PRDM8: variants seen among roughly 807,000 people sequenced by gnomAD.
The protein encoded by PRDM8 is PR domain zinc finger protein 8.
PRDM8 carries 13 observed loss-of-function variants against 46.5 expected under a neutral mutation model. That is an observed-to-expected ratio of 0.28 (90% CI 0.18 to 0.44). The LOEUF (loss-of-function observed/expected upper bound fraction) is 0.44. PRDM8 is among the 20% of genes least tolerant of loss of function. The probability of loss-of-function intolerance (pLI) is 1.00; values close to 1 mark genes in which losing one functional copy is unlikely to be tolerated. For missense variants in PRDM8, 998 were observed against 955.0 expected, an observed-to-expected ratio of 1.04 and a Z score of -0.59; for synonymous variants, 473 against 438.4, an observed-to-expected ratio of 1.08 and a Z score of -0.98.
chr4:80,199,323 C>G (rs182169673), intron 1 of PRDM8, among the ~76,000 whole-genome samples: 2 of 151,934 alleles, frequency 1.3e-5, no homozygotes, highest in African/African-American at 2.4e-5. Flanking sequence ...ACAAGGTAAC[C>G]GGGATTCACT....
At chr4:80,192,774 C>A (rs1321932153), upstream of PRDM8, among the ~76,000 whole-genome samples, 1 of 152,214 alleles carries the variant, frequency 6.6e-6, no homozygotes, top group Non-Finnish European at 1.5e-5. Flanking sequence ...AGAGGTCACA[C>A]TCACACAGAT....
intron 1 of PRDM8, among the ~76,000 whole-genome samples, chr4:80,199,560 T>A (rs892806025): frequency 6.6e-6 from 1 of 151,982 alleles, no homozygotes; most frequent in Non-Finnish European, 1.5e-5. Context: ...GCTGTTCCCC[T>A]CCTTGGAAGA....
rs780377398 is a variant in PRDM8, at chr4:80,202,216, G to A, written c.754G>A (p.Gly252Ser). Reference sequence around the variant, plus strand: ...CAGCAACCCATCCGCTGCCGCCGGCGGCAGCAGCGCGAAGCCATCCACAGA... The same window carrying A: ...CAGCAACCCATCCGCTGCCGCCGGCAGCAGCAGCGCGAAGCCATCCACAGA... ...ESSNPSAAAG[G>S]SSAKPSTDFH... is the part of the protein sequence containing the mutation. The change falls in exon 4 of 4, where the codon GGC (glycine) becomes AGC (serine). Residue 252 changes from glycine to serine, a missense_variant. Physicochemically the swap from Gly to Ser is moderately conservative, Grantham distance 56. Transcript: ENST00000415738. 2 of 1,611,840 alleles carry A rather than the reference G, an allele frequency of 1.2e-6. No individual in the cohort carries two copies. Among genetic ancestry groups the A allele is most frequent in the Admixed American group, 1.7e-5 (1 of 59,978 alleles).
chr4:80,198,979 GGTTTTTTTTTTTTTGTTTTTT>G (rs1219370232), intron 1 of PRDM8, among the ~76,000 whole-genome samples: 12 of 113,526 alleles, frequency 1.1e-4, no homozygotes, highest in African/African-American at 3.7e-4. Context: ...GGTTTTTTTG[GGTTTTTTTTTTTTTGTTTTTT>G]TTTTTTTTTT....
upstream of PRDM8, chr4:80,196,744 AC>A (rs1474975171): frequency 1.2e-6 from 1 of 863,574 alleles, no homozygotes. Flanking sequence ...ACAAAAACAA[AC>A]AAAAAAAAAA....
At chr4:80,194,206 A>G (rs999774054), upstream of PRDM8, 1 of 982,604 alleles carries the variant, frequency 1.0e-6, no homozygotes, top group African/African-American at 1.7e-5. Context: ...TATTTTTGCC[A>G]GGACTCCAAA....
At chr4:80,194,595 A>G (rs1364993215), upstream of PRDM8, among the ~76,000 whole-genome samples, 1 of 152,240 alleles carries the variant, frequency 6.6e-6, no homozygotes, top group Non-Finnish European at 1.5e-5. Flanking sequence ...TACCACTTAA[A>G]TTACTAGAAA....
chr4:80,203,637 G>A lies in PRDM8; in HGVS notation c.*105G>A. 9 of 1,454,984 alleles carry A rather than the reference G, an allele frequency of 6.2e-6. No homozygotes were observed. The highest frequency in any genetic ancestry group is 8.2e-6 in the Non-Finnish European group (9 of 1,104,026). 90.1% of individuals were successfully genotyped at this position (1,454,984 alleles called of 1,614,324 possible). On this transcript the variant is annotated 3_prime_UTR_variant, in exon 4 of 4. Transcript: ENST00000415738. Reference sequence around the variant, plus strand: ...CCGCTTCCTTGCACCCCGAAACCCTGCACAAAGACACATACATTCACCGCC... The same window carrying A: ...CCGCTTCCTTGCACCCCGAAACCCTACACAAAGACACATACATTCACCGCC...
chr4:80,198,980 G>GTTTT lies in PRDM8; in HGVS notation c.-2-1089_-2-1086dup, dbSNP rs1413112507. On this transcript the variant is annotated intron_variant, in intron 1 of 3. Transcript: ENST00000415738. ...AATTTAAATACCTGGGTTTTTTTGGGTTTTTTTTTTTTTGTTTTTTTTTTT... is the reference window on the plus strand; with the variant it reads ...AATTTAAATACCTGGGTTTTTTTGGGTTTTTTTTTTTTTTTTTGTTTTTTTTTTT... Among the ~76,000 whole-genome samples the GTTTT allele has an allele frequency of 2.0e-4, 21 of 104,182 alleles. 1 individual carries two copies. The highest frequency in any genetic ancestry group is 5.6e-4 in the African/African-American group (16 of 28,750). 68.3% of individuals were successfully genotyped at this position (104,182 alleles called of 152,430 possible). A position where few individuals can be genotyped will look rare whatever the true frequency, so the allele number is the denominator to read the frequency against.
intron 1 of PRDM8, among the ~76,000 whole-genome samples, chr4:80,188,043 C>G (rs914490255): frequency 2.6e-5 from 4 of 152,204 alleles, no homozygotes; most frequent in African/African-American, 9.6e-5. Context: ...AGACAAAAGG[C>G]CAGGAGGACC....
At chr4:80,196,439 T>C, upstream of PRDM8, 2 of 985,456 alleles carry the variant, frequency 2.0e-6, no homozygotes, top group Non-Finnish European at 2.4e-6. Context: ...ACTTGCAGGC[T>C]GTTAAAGACC....
At chr4:80,189,096 G>A (rs1045215866) in intron 1 of PRDM8, among the ~76,000 whole-genome samples, 1 of 152,202 alleles carries the variant, frequency 6.6e-6, no homozygotes, top group Non-Finnish European at 1.5e-5. Flanking sequence ...GGTCACGCGC[G>A]CTCTAGGAGG....
chr4:80,197,552 T>TCTCCCTCC lies in PRDM8; in HGVS notation c.-201_-194dup, dbSNP rs537169618. The TCTCCCTCC allele has an allele frequency of 2.1e-6, 2 of 956,654 alleles. No homozygotes were observed. Among genetic ancestry groups the TCTCCCTCC allele is most frequent in the South Asian group, 9.7e-5 (2 of 20,700 alleles). The allele number at this position is 956,654 out of a possible 1,614,324, so 59.3% of individuals were successfully genotyped here. A position where few individuals can be genotyped will look rare whatever the true frequency, so the allele number is the denominator to read the frequency against. On this transcript the variant is annotated 5_prime_UTR_variant, in exon 1 of 4. Coordinates refer to ENST00000415738, the MANE Select transcript of PRDM8 (RefSeq NM_001099403.2). The stretch of plus-strand genomic sequence containing the variant: ...ACAACTCTCTCCGTTTCTCCGTCTC[T>TCTCCCTCC]CTCCCTCCCTCCCTCCCTCCACCCC...
chr4:80,196,689 C>A, upstream of PRDM8: 1 of 939,060 alleles, frequency 1.1e-6, no homozygotes, highest in South Asian at 4.9e-5. Flanking sequence ...CCCTCTGGGG[C>A]TGCGCAGAAC....
chr4:80,186,374 A>G (rs1050654882), intron 1 of PRDM8, among the ~76,000 whole-genome samples: 1 of 150,044 alleles, frequency 6.7e-6, no homozygotes, highest in African/African-American at 2.4e-5. Context: ...AAGAGGGAAG[A>G]AAGAAGGGAG....
chr4:80,191,586 T>A (rs1737549718), intron 2 of PRDM8: 1 of 152,204 alleles, frequency 6.6e-6, no homozygotes, highest in Non-Finnish European at 1.5e-5. Flanking sequence ...CCAGAAGTGT[T>A]TATAGTAATA....
upstream of PRDM8, chr4:80,196,478 A>G (rs1390954596): frequency 1.1e-5 from 11 of 985,452 alleles, no homozygotes; most frequent in Non-Finnish European, 9.6e-6. Flanking sequence ...CTGCTGCACT[A>G]AAGGGGCAAG....
chr4:80,193,108 C>T (rs919384930), upstream of PRDM8, among the ~76,000 whole-genome samples: 9 of 152,012 alleles, frequency 5.9e-5, no homozygotes, highest in Non-Finnish European at 1.2e-4. Context: ...GAGGAAAAGC[C>T]CAAGAGAGAA....
chr4:80,200,085 AG>A lies in PRDM8; in HGVS notation c.7del (p.Asp3IlefsTer20), dbSNP rs1300379032. On this transcript the variant is annotated frameshift_variant, in exon 2 of 4. Coordinates refer to ENST00000415738, the MANE Select transcript of PRDM8 (RefSeq NM_001099403.2). LOFTEE classifies it high-confidence loss of function. ...GCTGTGTGTCTATCTCCAGTGATGG[AG>A]GATACTGGCATCCAGCGAGGCATCT... Reference protein sequence around the residue: MEDTGIQRGIWD... With the variant: MXDTGIQRGIWD... The A allele has an allele frequency of 6.2e-7, 1 of 1,612,116 alleles. No individual in the cohort carries two copies.
Sources: gnomAD v4.1 joint callset for allele counts (sites outside exome capture counted in the v4.1 genomes callset) on GRCh38, gnomAD v4.1.1 for gene constraint, MANE v1.5 for transcripts, NCBI Gene and HGNC (gene_info 2026-07-23, HGNC 2026-07-21) for gene names.